THRB: variants seen among roughly 807,000 people sequenced by gnomAD.
The protein encoded by THRB is nuclear receptor subfamily 1 group A member 2.
Under a neutral mutation model 47.8 loss-of-function variants are expected in THRB, and 12 were observed. The observed-to-expected ratio is 0.25, with a 90% CI of 0.16 to 0.41. The LOEUF (loss-of-function observed/expected upper bound fraction) is 0.41. Among genes scored for constraint, THRB ranks in the 10% least tolerant of loss-of-function variants. The probability of loss-of-function intolerance (pLI) is 1.00; values close to 1 mark genes in which losing one functional copy is unlikely to be tolerated. For synonymous variants in THRB, 218 were observed against 212.2 expected, an observed-to-expected ratio of 1.03 and a Z score of -0.24; for missense variants, 348 against 589.2, an observed-to-expected ratio of 0.59 and a Z score of 4.24.
chr3:24,193,924 C>A (rs1323076221), intron 4 of THRB, among the ~76,000 whole-genome samples: 2 of 152,110 alleles, frequency 1.3e-5, no homozygotes, highest in Non-Finnish European at 2.9e-5. Flanking sequence ...TATGTATACA[C>A]CATGGAATAC....
intron 3 of THRB, among the ~76,000 whole-genome samples, chr3:24,249,903 T>G (rs942483817): frequency 6.6e-6 from 1 of 152,184 alleles, no homozygotes; most frequent in Non-Finnish European, 1.5e-5. Flanking sequence ...TTGCTAGTAT[T>G]TCCACATGGC....
chr3:24,492,394 T>C (rs1199771334), intron 1 of THRB, among the ~76,000 whole-genome samples: 1 of 152,082 alleles, frequency 6.6e-6, no homozygotes, highest in East Asian at 1.9e-4. Context: ...ACCAGTGTGA[T>C]GGGTCTGAAA....
At chr3:24,467,889 A>C (rs1389123204) in intron 1 of THRB, among the ~76,000 whole-genome samples, 1 of 111,144 alleles carries the variant, frequency 9.0e-6, no homozygotes, top group Non-Finnish European at 2.0e-5. Flanking sequence ...TGTCCTTTGA[A>C]GATTTGAACC....
At chr3:24,469,398 C>T (rs1011954109) in intron 1 of THRB, among the ~76,000 whole-genome samples, 1 of 152,164 alleles carries the variant, frequency 6.6e-6, no homozygotes, top group Non-Finnish European at 1.5e-5. Flanking sequence ...GAAAACACCT[C>T]GGTAAACTCC....
At chr3:24,438,506 G>GGTGT (rs145050133) in intron 1 of THRB, among the ~76,000 whole-genome samples, 4,165 of 145,910 alleles carry the variant, frequency 0.029, 87 homozygotes, top group South Asian at 0.069. Context: ...AGAACAAAAA[G>GGTGT]GTGTGTGTGT....
At chr3:24,201,664 G>C (rs114056310) in intron 4 of THRB, among the ~76,000 whole-genome samples, 5 of 152,306 alleles carry the variant, frequency 3.3e-5, no homozygotes, top group African/African-American at 4.8e-5. Flanking sequence ...TCAGAAATCA[G>C]AGGGGAAAGT....
At chr3:24,359,743 T>G (rs1474701309) in intron 1 of THRB, among the ~76,000 whole-genome samples, 2 of 152,184 alleles carry the variant, frequency 1.3e-5, no homozygotes, top group Non-Finnish European at 2.9e-5. Flanking sequence ...TTGAGTTGTA[T>G]TCTTTGCCCA....
At chr3:24,390,772 A>G (rs767987533) in intron 1 of THRB, among the ~76,000 whole-genome samples, 10 of 117,190 alleles carry the variant, frequency 8.5e-5, no homozygotes, top group Non-Finnish European at 1.1e-4. Context: ...CTGCTTCCCA[A>G]TCTTTACTTT....
intron 1 of THRB, among the ~76,000 whole-genome samples, chr3:24,357,350 A>C (rs2063742441): frequency 1.5e-5 from 2 of 137,710 alleles, no homozygotes; most frequent in South Asian, 4.7e-4. Context: ...CTCTCCCAAA[A>C]AAAAAAAAAA....
chr3:24,272,725 C>A (rs902709921), intron 3 of THRB, among the ~76,000 whole-genome samples: 26 of 152,100 alleles, frequency 1.7e-4, no homozygotes, highest in African/African-American at 6.3e-4. Context: ...TTTTTGACAT[C>A]ATATTTCACC....
At chr3:24,146,960 T>G in intron 6 of THRB, 138 bp from the exon 7 acceptor site, 1 of 721,194 alleles carries the variant, frequency 1.4e-6, no homozygotes. Flanking sequence ...CTCCACATAT[T>G]CAAATATAAG....
rs562616798 is a variant in THRB at position 24,123,031 on chromosome 3, G to T, written c.1239C>A (p.His413Gln). The change falls in exon 11 of 11, where the codon CAC becomes CAA. Residue 413 changes from histidine to glutamine, a missense_variant. His to Gln is a conservative substitution (Grantham distance 24). Around this residue, in one of 5 missense-constraint regions of THRB, gnomAD observed 36 missense variants for 51.7 expected, o/e 0.70. Coordinates refer to ENST00000646209, the MANE Select transcript of THRB (RefSeq NM_001354712.2). ...GGAGTTTTGGCCAAAAGTGTGTCAC[G>T]TGGTGTTTTCGGTAATTGATATAGT... ...FEHYINYRKH[H>Q]VTHFWPKLLM... The T allele has an allele frequency of 1.2e-6, 2 of 1,614,144 alleles. No homozygotes were observed. Among genetic ancestry groups the T allele is most frequent in the Middle Eastern group, 1.6e-4 (1 of 6,062 alleles).
intron 3 of THRB, among the ~76,000 whole-genome samples, chr3:24,236,863 G>C (rs1193370302): frequency 6.6e-6 from 1 of 152,018 alleles, no homozygotes; most frequent in Non-Finnish European, 1.5e-5. Context: ...ATTAAATCTA[G>C]GACCCAATGA....
At chr3:24,324,040 A>G (rs966449201) in intron 2 of THRB, among the ~76,000 whole-genome samples, 1 of 152,130 alleles carries the variant, frequency 6.6e-6, no homozygotes, top group Non-Finnish European at 1.5e-5. Context: ...GTTTTCTACA[A>G]TCTCCCCAGC....
At chr3:24,367,681 T>C (rs1401377792) in intron 1 of THRB, among the ~76,000 whole-genome samples, 3 of 152,202 alleles carry the variant, frequency 2.0e-5, no homozygotes, top group African/African-American at 7.2e-5. Context: ...TGTTGTAACA[T>C]GCTTTGAAAA....
At chr3:24,465,856 T>G (rs1196116772) in intron 1 of THRB, among the ~76,000 whole-genome samples, 1 of 152,212 alleles carries the variant, frequency 6.6e-6, no homozygotes, top group Non-Finnish European at 1.5e-5. Flanking sequence ...TCCTTATTTT[T>G]ATTAAATTTA....
Position 24,150,221 on chromosome 3 carries a change from C to T in THRB, c.384+2169G>A, listed in dbSNP as rs186167041. ...TGAAAACTGGCAAAAAGGATTCTCTCCATACACATTGCAAGTATGGGGTAG... is the reference window on the plus strand; with the variant it reads ...TGAAAACTGGCAAAAAGGATTCTCTTCATACACATTGCAAGTATGGGGTAG... On this transcript the variant is annotated intron_variant, in intron 6 of 10. Transcript: ENST00000646209. Among the ~76,000 whole-genome samples the T allele has an allele frequency of 8.6e-4, 131 of 152,288 alleles. 1 individual carries two copies. The highest frequency in any genetic ancestry group is 6.6e-4 in the Non-Finnish European group (45 of 68,022).
At chr3:24,149,583 C>A (rs2036606508) in intron 6 of THRB, among the ~76,000 whole-genome samples, 1 of 152,220 alleles carries the variant, frequency 6.6e-6, no homozygotes, top group Non-Finnish European at 1.5e-5. Flanking sequence ...TACACTATGC[C>A]ATCTTTTCTG....
chr3:24,365,384 T>G (rs73043761), intron 1 of THRB, among the ~76,000 whole-genome samples: 1 of 152,184 alleles, frequency 6.6e-6, no homozygotes, highest in Non-Finnish European at 1.5e-5. Context: ...CAACTTCGTG[T>G]CACTGGACTT....
Sources: allele counts gnomAD v4.1 joint callset (sites outside exome capture counted in the v4.1 genomes callset), GRCh38; gene constraint gnomAD v4.1.1; regional missense constraint gnomAD v4.1.1; transcripts MANE v1.5; gene names NCBI Gene and HGNC (gene_info 2026-07-23, HGNC 2026-07-21).